Variants in DLC1 observed in about 807,000 individuals in gnomAD.
DLC1 encodes DLC1 Rho GTPase activating protein.
DLC1 carries 54 observed loss-of-function variants against 140.3 expected under a neutral mutation model. The ratio of observed to expected loss-of-function variants is 0.38; its 90% confidence interval spans 0.31 to 0.48. The LOEUF (loss-of-function observed/expected upper bound fraction) is 0.48. DLC1 is among the 20% of genes least tolerant of loss of function. The probability of loss-of-function intolerance (pLI) is 0.96; values close to 1 mark genes in which losing one functional copy is unlikely to be tolerated. For synonymous variants in DLC1, 986 were observed against 728.1 expected (o/e 1.35, Z -5.70); for missense variants, 2,536 against 1,907.0 (o/e 1.33, Z -6.14).
At chr8:13,538,014 C>T (rs770909724) in intron 1 of DLC1, among the ~76,000 whole-genome samples, 2 of 152,102 alleles carry the variant, frequency 1.3e-5, no homozygotes, top group Non-Finnish European at 2.9e-5. Flanking sequence ...CAAATTACAT[C>T]CATTACTTTA....
At position 13,594,105 on chromosome 8, in the gene DLC1, G is replaced by A. The variant is rs527860256; in HGVS notation, c.-126+10432C>T. Among the ~76,000 whole-genome samples the A allele has an allele frequency of 1.7e-3, 254 of 152,198 alleles. 1 individual carries two copies. Among genetic ancestry groups the A allele is most frequent in the African/African-American group, 5.9e-3 (245 of 41,538 alleles). ...GAGTCCAGGAAGTTGAGGCTGCAGT[G>A]AATCATGATCTTGTAACTGCACTCC... is the stretch of plus-strand genomic sequence containing the variant. On this transcript the variant is annotated intron_variant, in intron 1 of 1. Coordinates refer to the DLC1 transcript ENST00000631382.
At chr8:13,488,231 T>C (rs1201021227) in intron 2 of DLC1, among the ~76,000 whole-genome samples, 1 of 152,196 alleles carries the variant, frequency 6.6e-6, no homozygotes, top group Non-Finnish European at 1.5e-5. Flanking sequence ...TGAGAATTAG[T>C]GGGAATGAAT....
rs945685961 is a variant in DLC1 at position 13,084,818 on chromosome 8, C to T, written c.*993G>A. The T allele has an allele frequency of 4.6e-5, 7 of 152,096 alleles. No homozygotes were observed. The highest frequency in any genetic ancestry group is 3.9e-4 in the Admixed American group (6 of 15,268). 9.4% of individuals were successfully genotyped at this position (152,096 alleles called of 1,614,324 possible). A position where few individuals can be genotyped will look rare whatever the true frequency, so the allele number is the denominator to read the frequency against. ...TGGGACACACATAGTTTCCTATATT[C>T]CCAAACATAGTGTCTTAAGGCGTTT... is the stretch of plus-strand genomic sequence containing the variant. On this transcript the variant is annotated 3_prime_UTR_variant, in exon 18 of 18. Transcript: ENST00000276297.
intron 7 of DLC1, among the ~76,000 whole-genome samples, chr8:13,105,680 C>G (rs1819505403): frequency 6.6e-6 from 1 of 151,414 alleles, no homozygotes; most frequent in African/African-American, 2.4e-5. Context: ...CCGTTTCAAG[C>G]AATTCTCATG....
At chr8:13,196,497 A>G (rs1827069188) in intron 5 of DLC1, among the ~76,000 whole-genome samples, 1 of 152,172 alleles carries the variant, frequency 6.6e-6, no homozygotes, top group Non-Finnish European at 1.5e-5. Context: ...CTATTCATCT[A>G]TCAGCTGTCT....
At chr8:13,514,081 G>C (rs1802493430) in intron 1 of DLC1, among the ~76,000 whole-genome samples, 1 of 151,664 alleles carries the variant, frequency 6.6e-6, no homozygotes, top group Non-Finnish European at 1.5e-5. Flanking sequence ...GGAGAAGCTT[G>C]ACATATGATT....
chr8:13,542,289 G>A (rs1179889615), intron 1 of DLC1, among the ~76,000 whole-genome samples: 1 of 152,094 alleles, frequency 6.6e-6, no homozygotes, highest in Non-Finnish European at 1.5e-5. Flanking sequence ...TTTTCCAGTA[G>A]CAATTGTTGA....
At chr8:13,181,030 A>G (rs969617314) in intron 5 of DLC1, among the ~76,000 whole-genome samples, 6 of 151,858 alleles carry the variant, frequency 4.0e-5, no homozygotes, top group African/African-American at 1.4e-4. Flanking sequence ...AAAAAGTCCT[A>G]TCTTAATTCA....
rs570641168 is a variant in DLC1, at chr8:13,507,372, T to A, written c.-125-7176A>T. On this transcript the variant is annotated intron_variant, in intron 1 of 17. Coordinates refer to ENST00000276297, the MANE Select transcript of DLC1 (RefSeq NM_182643.3). ...AGCAAAAACCGTAAGAGCACATTTCTAAAAAGCATTTCTATGAGTCTAGTC... is the reference window on the plus strand; with the variant it reads ...AGCAAAAACCGTAAGAGCACATTTCAAAAAAGCATTTCTATGAGTCTAGTC... Among the ~76,000 whole-genome samples the A allele has an allele frequency of 8.5e-5, 13 of 152,284 alleles. No individual in the cohort carries two copies. In the East Asian group the frequency reaches 2.1e-3, roughly 25 times the overall value.
At chr8:13,128,414 C>G (rs2128960912) in intron 5 of DLC1, among the ~76,000 whole-genome samples, 1 of 152,284 alleles carries the variant, frequency 6.6e-6, no homozygotes, top group East Asian at 1.9e-4. Flanking sequence ...TTTGTCATTC[C>G]TGCACTCTAA....
intron 5 of DLC1, among the ~76,000 whole-genome samples, chr8:13,258,130 T>C (rs957172467): frequency 1.3e-5 from 2 of 152,260 alleles, no homozygotes; most frequent in African/African-American, 2.4e-5. Context: ...AAATCACAAG[T>C]GCAAGGGTAA....
chr8:13,323,892 T>C (rs1833227206), intron 4 of DLC1, among the ~76,000 whole-genome samples: 1 of 152,180 alleles, frequency 6.6e-6, no homozygotes, highest in Non-Finnish European at 1.5e-5. Flanking sequence ...GAGTGAGAAT[T>C]TGGAAAGATG....
At chr8:13,492,378 A>G (rs1045005403) in intron 2 of DLC1, among the ~76,000 whole-genome samples, 1 of 152,134 alleles carries the variant, frequency 6.6e-6, no homozygotes, top group Non-Finnish European at 1.5e-5. Context: ...ATCTGATTCC[A>G]GCCTGCTACA....
chr8:13,236,529 T>G (rs1829291738), intron 5 of DLC1, among the ~76,000 whole-genome samples: 1 of 152,122 alleles, frequency 6.6e-6, no homozygotes, highest in Admixed American at 6.5e-5. Context: ...TGGACAATAA[T>G]TAGTGTAGTG....
chr8:13,167,324 C>T (rs535586573), intron 5 of DLC1, among the ~76,000 whole-genome samples: 1 of 151,930 alleles, frequency 6.6e-6, no homozygotes, highest in Non-Finnish European at 1.5e-5. Context: ...TGCAAGGGAA[C>T]TTAATCTTCA....
At chr8:13,126,989 A>C (rs1284158154) in intron 5 of DLC1, among the ~76,000 whole-genome samples, 11 of 152,256 alleles carry the variant, frequency 7.2e-5, no homozygotes. Context: ...ACCAATGACA[A>C]TGAAAATATG....
rs1369347658 is a variant in DLC1 at position 13,452,427 on chromosome 8, T to C, written c.1023+46622A>G. 2.6e-5 allele frequency among the ~76,000 whole-genome samples: 4 copies of C among 152,238 alleles called. No individual in the cohort carries two copies. In the East Asian group the frequency reaches 7.7e-4, roughly 29 times the overall value. ...GAGGAGAGACTGAAACAATTTCTAC[T>C]TTACATCAAAATATTCAGATAGCCT... On this transcript the variant is annotated intron_variant, in intron 2 of 17. Transcript: ENST00000276297.
intron 4 of DLC1, among the ~76,000 whole-genome samples, chr8:13,328,440 TC>T (rs909362784): frequency 6.6e-6 from 1 of 152,142 alleles, no homozygotes; most frequent in African/African-American, 2.4e-5. Context: ...CCTCTCAGAT[TC>T]TTGCCCTGTG....
chr8:13,486,462 T>C (rs1800971654), intron 2 of DLC1, among the ~76,000 whole-genome samples: 1 of 152,172 alleles, frequency 6.6e-6, no homozygotes, highest in African/African-American at 2.4e-5. Context: ...TGGCCAATTC[T>C]TTCTGATTAC....
Sources: allele counts gnomAD v4.1 joint callset (sites outside exome capture counted in the v4.1 genomes callset), GRCh38; gene constraint gnomAD v4.1.1; transcripts MANE v1.5; gene names NCBI Gene and HGNC (gene_info 2026-07-23, HGNC 2026-07-21).